The following MLXIP variants were observed in gnomAD, a reference collection of about 807,000 sequenced individuals.
MLXIP encodes the protein MLX interacting protein.
In MLXIP, 30 loss-of-function variants were observed where a neutral mutation model predicts 87.2. The ratio of observed to expected loss-of-function variants is 0.34; its 90% confidence interval spans 0.26 to 0.47. MLXIP has a LOEUF of 0.47. Among genes scored for constraint, MLXIP ranks in the 20% least tolerant of loss-of-function variants. MLXIP has a pLI of 1.00. For missense variants in MLXIP, 1,002 were observed against 1,240.1 expected (o/e 0.81, Z 2.88); for synonymous variants, 530 against 514.0 (o/e 1.03, Z -0.42).
chr12:122,111,757 A>C (rs1477626129), intron 1 of MLXIP, among the ~76,000 whole-genome samples: 1 of 152,192 alleles, frequency 6.6e-6, no homozygotes, highest in East Asian at 1.9e-4. Context: ...AAATATGATC[A>C]GAAATGTGAA....
intron 1 of MLXIP, among the ~76,000 whole-genome samples, chr12:122,101,667 G>A (rs1305554442): frequency 4.9e-5 from 7 of 143,438 alleles, no homozygotes; most frequent in African/African-American, 7.8e-5. Flanking sequence ...TGCAAGCTCC[G>A]CCTCCCAGGT....
rs1289692362 is a variant in MLXIP at position 122,135,561 on chromosome 12, G to A, written c.1927G>A (p.Ala643Thr). ...DLGHGTSSPP[A>T]PVSRLFPSTA... is the part of the protein sequence containing the mutation. ...CGGCCATGGCACGAGCAGCCCGCCTGCCCCCGTCTCCCGGCTCTTCCCAAG... is the reference window on the plus strand; with the variant it reads ...CGGCCATGGCACGAGCAGCCCGCCTACCCCCGTCTCCCGGCTCTTCCCAAG... The change falls in exon 11 of 17, where the codon GCC becomes ACC. Residue 643 changes from alanine (A) to threonine (T), a missense_variant. Physicochemically the swap from Ala to Thr is moderately conservative, Grantham distance 58. Transcript: ENST00000319080. The surrounding 1 kb of genome is among the most constrained non-coding windows in gnomAD (Gnocchi z 5.3). The A allele has an allele frequency of 3.7e-6, 6 of 1,603,152 alleles. No individual in the cohort carries two copies. The highest frequency in any genetic ancestry group is 1.1e-5 in the South Asian group (1 of 89,116).
chr12:122,114,355 C>T (rs1364985447), intron 1 of MLXIP, among the ~76,000 whole-genome samples: 2 of 152,156 alleles, frequency 1.3e-5, no homozygotes, highest in African/African-American at 2.4e-5. Flanking sequence ...TTCAATAATT[C>T]ACTAGAAAAA....
intron 15 of MLXIP, 122 bp from the exon 16 acceptor site, chr12:122,140,832 C>T (rs1953186834): frequency 6.9e-7 from 1 of 1,450,746 alleles, no homozygotes; most frequent in South Asian, 1.2e-5. Flanking sequence ...CCCAGTGATC[C>T]ATTCTCTGTG....
chr12:122,088,010 G>A (rs1009558289), intron 1 of MLXIP, among the ~76,000 whole-genome samples: 1 of 152,224 alleles, frequency 6.6e-6, no homozygotes, highest in East Asian at 1.9e-4. Context: ...GGTATGTCAC[G>A]CTGAGGACAC....
chr12:122,098,210 G>C (rs1050428000), intron 1 of MLXIP, among the ~76,000 whole-genome samples: 13 of 152,198 alleles, frequency 8.5e-5, no homozygotes, highest in Non-Finnish European at 1.6e-4. Flanking sequence ...AAGCGAGCAG[G>C]GCAGGGTGTG....
At chr12:122,129,436 C>T in intron 4 of MLXIP, 152 bp from the exon 5 acceptor site, 1 of 452,348 alleles carries the variant, frequency 2.2e-6, no homozygotes, top group Non-Finnish European at 2.9e-6. Context: ...CCCATCTGTG[C>T]ACTGGGTGGA....
At chr12:122,119,686 T>C (rs28498376) in intron 1 of MLXIP, among the ~76,000 whole-genome samples, 76,882 of 152,204 alleles carry the variant, frequency 0.51, 19,928 homozygotes, top group Middle Eastern at 0.64. Flanking sequence ...CCACCGCGCC[T>C]GGCGATATGC....
chr12:122,127,398 A>G, intron 2 of MLXIP, 36 bp downstream of exon 2: 1 of 1,503,022 alleles, frequency 6.7e-7, no homozygotes, highest in Non-Finnish European at 9.1e-7. Flanking sequence ...GGTGGTGGTC[A>G]GAACTTCACG....
At position 122,078,947 on chromosome 12, in the gene MLXIP, G is replaced by T. The variant is rs1340753125; in HGVS notation, c.94G>T (p.Asp32Tyr). The stretch of plus-strand genomic sequence containing the variant: ...GCCCCAGGTGTCCGAGGACGACGAC[G>T]ACTCGGACACGGATGAGCCGTCCCC... ...LKPQVSEDDD[D>Y]SDTDEPSPPP... The change falls in exon 1 of 17, where the codon GAC becomes TAC. Residue 32 changes from aspartate (D) to tyrosine (Y), a missense_variant. Asp to Tyr is a radical substitution (Grantham distance 160). Coordinates refer to ENST00000319080, the MANE Select transcript of MLXIP (RefSeq NM_014938.6). 6 of 1,117,842 alleles carry T rather than the reference G, an allele frequency of 5.4e-6. No homozygotes were observed. Among genetic ancestry groups the T allele is most frequent in the Admixed American group, 8.8e-5 (2 of 22,638 alleles). 69.2% of individuals were successfully genotyped at this position (1,117,842 alleles called of 1,614,324 possible).
At chr12:122,108,315 CTGAGA>C (rs990973625) in intron 1 of MLXIP, among the ~76,000 whole-genome samples, 24 of 144,184 alleles carry the variant, frequency 1.7e-4, no homozygotes, top group African/African-American at 5.7e-4. Context: ...TTGCAGTGAG[CTGAGA>C]TAACACCACT....
intron 1 of MLXIP, among the ~76,000 whole-genome samples, chr12:122,091,063 T>C (rs1952239062): frequency 6.6e-6 from 1 of 152,150 alleles, no homozygotes; most frequent in African/African-American, 2.4e-5. Flanking sequence ...CTGAATATAC[T>C]GAAAACCACT....
Position 122,079,277 on chromosome 12 carries a change from C to G in MLXIP, c.413+11C>G, listed in dbSNP as rs1454789548. The G allele has an allele frequency of 6.5e-7, 1 of 1,547,766 alleles. No individual in the cohort carries two copies. Among genetic ancestry groups the G allele is most frequent in the Non-Finnish European group, 8.7e-7 (1 of 1,145,136 alleles). ...GACTTTGGCCTACAGGTAGGGACCC[C>G]CGCGACCCCCTGAGGCCCCGGCCGG... On this transcript the variant is annotated intron_variant, in intron 1 of 16. Transcript: ENST00000319080.
intron 1 of MLXIP, among the ~76,000 whole-genome samples, chr12:122,084,233 C>A (rs1952133685): frequency 6.6e-6 from 1 of 151,044 alleles, no homozygotes; most frequent in Non-Finnish European, 1.5e-5. Flanking sequence ...TTCCTGACAT[C>A]AGGCTTCAAT....
At chr12:122,081,532 C>A (rs758261727) in intron 1 of MLXIP, among the ~76,000 whole-genome samples, 4 of 152,076 alleles carry the variant, frequency 2.6e-5, no homozygotes, top group Non-Finnish European at 4.4e-5. Flanking sequence ...AGGTTGAGAT[C>A]GGAGGCAACG....
intron 1 of MLXIP, among the ~76,000 whole-genome samples, chr12:122,126,284 C>T (rs1952879805): frequency 6.6e-6 from 1 of 152,200 alleles, no homozygotes; most frequent in South Asian, 2.1e-4. Flanking sequence ...ACCAAACGTC[C>T]TCCCTAGAGG....
At chr12:122,140,400 G>A (rs1316575778) in intron 15 of MLXIP, among the ~76,000 whole-genome samples, 3 of 152,050 alleles carry the variant, frequency 2.0e-5, no homozygotes, top group South Asian at 2.1e-4. Context: ...GGGTTCAAGC[G>A]ATTCTCCTGC....
chr12:122,101,736 A>C (rs902294710), intron 1 of MLXIP, among the ~76,000 whole-genome samples: 1 of 150,988 alleles, frequency 6.6e-6, no homozygotes, highest in African/African-American at 2.4e-5. Flanking sequence ...CCATGCCACC[A>C]TGCCCAGCTA....
At chr12:122,087,043 A>G (rs1952178517) in intron 1 of MLXIP, among the ~76,000 whole-genome samples, 1 of 152,106 alleles carries the variant, frequency 6.6e-6, no homozygotes, top group African/African-American at 2.4e-5. Flanking sequence ...GGACCTTGCT[A>G]TGAGCTTCCT....
Sources: gnomAD v4.1 joint callset for allele counts (sites outside exome capture counted in the v4.1 genomes callset) on GRCh38, gnomAD v4.1.1 for gene constraint, Gnocchi (gnomAD v3.1) non-coding constraint, MANE v1.5 for transcripts, NCBI Gene and HGNC (gene_info 2026-07-23, HGNC 2026-07-21) for gene names.